Variants in SCFD2 observed in about 807,000 individuals in gnomAD.
The protein encoded by SCFD2 is sec1 family domain containing 2.
SCFD2 carries 54 observed loss-of-function variants against 58.9 expected under a neutral mutation model. The ratio of observed to expected loss-of-function variants is 0.92; its 90% confidence interval spans 0.74 to 1.15. The LOEUF is 1.15. Ranked by LOEUF, SCFD2 falls within the 50% of genes most tolerant of loss-of-function variation. The probability of loss-of-function intolerance (pLI) is 0.00; values close to 1 mark genes in which losing one functional copy is unlikely to be tolerated. For missense variants in SCFD2, 805 were observed against 836.6 expected, an observed-to-expected ratio of 0.96 and a Z score of 0.47; for synonymous variants, 321 against 335.9, an observed-to-expected ratio of 0.96 and a Z score of 0.49.
At chr4:53,023,631 G>T (rs1000061590) in intron 5 of SCFD2, among the ~76,000 whole-genome samples, 4 of 152,068 alleles carry the variant, frequency 2.6e-5, no homozygotes, top group African/African-American at 9.7e-5. Context: ...TTTATTTCAT[G>T]AATTAAAGTC....
At chr4:53,000,473 C>T (rs1721838636) in intron 5 of SCFD2, among the ~76,000 whole-genome samples, 1 of 152,174 alleles carries the variant, frequency 6.6e-6, no homozygotes, top group Non-Finnish European at 1.5e-5. Flanking sequence ...CATGTTTATA[C>T]TATCTGTGTG....
rs1327336352 is a variant in SCFD2 at position 53,198,061 on chromosome 4, C to T, written c.1312-52479G>A. 2.0e-5 allele frequency among the ~76,000 whole-genome samples: 3 copies of T among 152,136 alleles called. No homozygotes were observed. In the East Asian group the frequency reaches 5.8e-4, roughly 29 times the overall value. On this transcript the variant is annotated intron_variant, in intron 4 of 8. Transcript: ENST00000401642. ...GTTTGCGGACAGGAAAATGCAAAGT[C>T]CTCACCATGTCCCAAGATAAAACAT...
chr4:53,349,302 A>G (rs1734148042), intron 2 of SCFD2, among the ~76,000 whole-genome samples: 1 of 152,228 alleles, frequency 6.6e-6, no homozygotes, highest in African/African-American at 2.4e-5. Context: ...AGAAAACAGC[A>G]ACTAAATTTG....
At chr4:53,091,121 T>C (rs368857218) in intron 5 of SCFD2, among the ~76,000 whole-genome samples, 3 of 152,164 alleles carry the variant, frequency 2.0e-5, no homozygotes, top group African/African-American at 4.8e-5. Context: ...TATACTATTA[T>C]AGTCATTCAC....
intron 5 of SCFD2, among the ~76,000 whole-genome samples, chr4:53,145,050 G>A (rs923456324): frequency 2.0e-5 from 3 of 152,170 alleles, no homozygotes. Flanking sequence ...GAGGGATCTA[G>A]GTTGCATGCC....
intron 5 of SCFD2, among the ~76,000 whole-genome samples, chr4:53,003,140 C>A (rs1721901188): frequency 6.6e-6 from 1 of 152,184 alleles, no homozygotes; most frequent in Admixed American, 6.5e-5. Context: ...TGGGTGGGGA[C>A]ACAGATCCAA....
intron 4 of SCFD2, among the ~76,000 whole-genome samples, chr4:53,215,815 G>T (rs1245079162): frequency 2.6e-5 from 4 of 152,040 alleles, no homozygotes; most frequent in Admixed American, 2.6e-4. Flanking sequence ...TTTGAGATAC[G>T]TCCCATCAAT....
chr4:53,179,020 C>G (rs543532734), intron 4 of SCFD2, among the ~76,000 whole-genome samples: 5 of 152,312 alleles, frequency 3.3e-5, no homozygotes, highest in African/African-American at 9.6e-5. Context: ...AAATCTACAT[C>G]TGATTGGTGT....
chr4:53,352,599 T>A lies in SCFD2; in HGVS notation c.1006A>T (p.Ser336Cys), dbSNP rs1262744245. 1.9e-6 allele frequency: 3 copies of A among 1,611,834 alleles called. No homozygotes were observed. Among genetic ancestry groups the A allele is most frequent in the Non-Finnish European group, 2.5e-6 (3 of 1,178,160 alleles). The change falls in exon 2 of 9, where the codon AGT becomes TGT. Residue 336 changes from serine to cysteine, a missense_variant and splice_region_variant. Coordinates refer to ENST00000401642, the MANE Select transcript of SCFD2 (RefSeq NM_152540.4). ...VVAPGCLSQS[S>C]DTTAKALWEA... Reference sequence around the variant, plus strand: ...GATGACAAAAACTATATATCTTACCTGGATTGTGAAAGACAGCCTGGTGCA... The same window carrying A: ...GATGACAAAAACTATATATCTTACCAGGATTGTGAAAGACAGCCTGGTGCA...
intron 3 of SCFD2, among the ~76,000 whole-genome samples, chr4:53,300,167 A>G (rs1732223694): frequency 6.6e-6 from 1 of 152,218 alleles, no homozygotes; most frequent in Non-Finnish European, 1.5e-5. Context: ...TTGGATAAAG[A>G]GTCAAGACCC....
chr4:53,198,015 T>C (rs1229240854), intron 4 of SCFD2, among the ~76,000 whole-genome samples: 2 of 152,104 alleles, frequency 1.3e-5, no homozygotes, highest in African/African-American at 2.4e-5. Flanking sequence ...TGGCTTCCAA[T>C]GACTTAACAA....
At position 53,352,664 on chromosome 4, in the gene SCFD2, A is replaced by T; in HGVS notation, c.941T>A (p.Leu314His). 2.5e-6 allele frequency: 4 copies of T among 1,614,014 alleles called. No homozygotes were observed. Among genetic ancestry groups the T allele is most frequent in the Non-Finnish European group, 3.4e-6 (4 of 1,179,890 alleles). The change falls in exon 2 of 9, where the codon CTC becomes CAC. Residue 314 changes from leucine (L) to histidine (H), a missense_variant. Around this residue, in one of 3 missense-constraint regions of SCFD2, gnomAD observed 633 missense variants for 646.8 expected, o/e 0.98. Transcript: ENST00000401642. ...TNDVMVNMIA[L>H]TALHTEEENY... ...TTCCTCCTCAGTATGGAGTGCAGTG[A>T]GCGCTATCATGTTAACCATCACATC... is the stretch of plus-strand genomic sequence containing the variant.
At chr4:53,273,306 T>C (rs1192395921) in intron 4 of SCFD2, among the ~76,000 whole-genome samples, 1 of 152,182 alleles carries the variant, frequency 6.6e-6, no homozygotes, top group Non-Finnish European at 1.5e-5. Context: ...AAGTTTCCCA[T>C]GAAAATATTT....
rs562830323 is a variant in SCFD2 at position 53,019,076 on chromosome 4, T to C, written c.1562-98206A>G. Among the ~76,000 whole-genome samples, 5 of 152,290 alleles carry C rather than the reference T, an allele frequency of 3.3e-5. No homozygotes were observed. The East Asian group carries it at 7.7e-4, about 24-fold the overall frequency. On this transcript the variant is annotated intron_variant, in intron 5 of 8. Transcript: ENST00000401642. ...ATTTCCCAGGGTGCAATGTGTTCAATAGATATTAGGAGCCTTAAAAAGGAT... is the reference window on the plus strand; with the variant it reads ...ATTTCCCAGGGTGCAATGTGTTCAACAGATATTAGGAGCCTTAAAAAGGAT...
intron 4 of SCFD2, among the ~76,000 whole-genome samples, chr4:53,151,273 A>G (rs747596914): frequency 6.6e-6 from 1 of 152,236 alleles, no homozygotes; most frequent in Admixed American, 6.5e-5. Flanking sequence ...AGACCAAAAG[A>G]AAAAAGGTTT....
chr4:53,320,192 G>A (rs1732985102), intron 2 of SCFD2, among the ~76,000 whole-genome samples: 2 of 152,188 alleles, frequency 1.3e-5, no homozygotes, highest in African/African-American at 4.8e-5. Context: ...GTAAATTAGG[G>A]TTTGAACTCA....
intron 4 of SCFD2, among the ~76,000 whole-genome samples, chr4:53,238,397 G>A (rs1476978913): frequency 4.3e-5 from 6 of 139,230 alleles, no homozygotes; most frequent in East Asian, 4.6e-4. Flanking sequence ...CTGGCCTGGC[G>A]GGGGGCTGAC....
chr4:53,247,105 G>C (rs1446002232), intron 4 of SCFD2, among the ~76,000 whole-genome samples: 1 of 151,170 alleles, frequency 6.6e-6, no homozygotes, highest in Non-Finnish European at 1.5e-5. Flanking sequence ...GACATGAACA[G>C]ATACTTTTCA....
In SCFD2 at chr4:53,210,994, C is replaced by T. The variant is rs1728591453; in HGVS notation, c.1311+62832G>A. Among the ~76,000 whole-genome samples the T allele has an allele frequency of 2.6e-5, 4 of 151,990 alleles. No individual in the cohort carries two copies. The South Asian group carries it at 8.3e-4, about 31-fold the overall frequency. On this transcript the variant is annotated intron_variant, in intron 4 of 8. Transcript: ENST00000401642. The stretch of plus-strand genomic sequence containing the variant: ...GCATGGTGGCTTACTCCTGTAATCC[C>T]AGCACTTTGGGAGGCTGAGTCAGGC...
Sources: allele counts gnomAD v4.1 joint callset (sites outside exome capture counted in the v4.1 genomes callset), GRCh38; gene constraint gnomAD v4.1.1; regional missense constraint gnomAD v4.1.1; transcripts MANE v1.5; gene names NCBI Gene and HGNC (gene_info 2026-07-23, HGNC 2026-07-21).